The following GGCT variants were observed in gnomAD, a reference collection of about 807,000 sequenced individuals.
GGCT encodes the protein cytochrome c-releasing factor 21.
Under a neutral mutation model 22.1 loss-of-function variants are expected in GGCT, and 20 were observed. The ratio of observed to expected loss-of-function variants is 0.91; its 90% CI spans 0.64 to 1.32. GGCT has a LOEUF of 1.32. GGCT is among the 40% of genes most tolerant of loss of function. The pLI is 0.00. For synonymous variants in GGCT, 72 were observed against 78.4 expected (o/e 0.92, Z 0.43); for missense variants, 209 against 223.5 (o/e 0.94, Z 0.41).
intron 3 of GGCT, 74 bp from the exon 4 acceptor site, chr7:30,497,309 C>A: frequency 9.6e-7 from 1 of 1,036,528 alleles, no homozygotes; most frequent in South Asian, 1.6e-5. Context: ...CATACCACAG[C>A]TTTATTTGCC....
At position 30,500,532 on chromosome 7, in the gene GGCT, C is replaced by G; in HGVS notation, c.287+4G>C. On this transcript the variant is annotated splice_donor_region_variant and intron_variant, in intron 2 of 3. Transcript: ENST00000275428. Reference sequence around the variant, plus strand: ...TGTTTAACTTATAATTAGAAGCCACCTACTCATCCAGAGAATTTAAATTGC... The same window carrying G: ...TGTTTAACTTATAATTAGAAGCCACGTACTCATCCAGAGAATTTAAATTGC... 1 of 1,608,370 alleles carries G rather than the reference C, an allele frequency of 6.2e-7. No homozygotes were observed. Among genetic ancestry groups the G allele is most frequent in the Non-Finnish European group, 8.5e-7 (1 of 1,175,346 alleles).
chr7:30,500,167 G>T (rs576695984), intron 2 of GGCT, among the ~76,000 whole-genome samples: 1 of 152,200 alleles, frequency 6.6e-6, no homozygotes, highest in African/African-American at 2.4e-5. Context: ...TTAAATAATT[G>T]TTCTTTAAAA....
intron 1 of GGCT, among the ~76,000 whole-genome samples, chr7:30,503,433 A>T (rs1170722472): frequency 6.6e-6 from 1 of 152,182 alleles, no homozygotes; most frequent in Non-Finnish European, 1.5e-5. Context: ...AAATCACGGC[A>T]TGGGTACGTG....
chr7:30,502,788 C>T (rs530503968), intron 1 of GGCT, among the ~76,000 whole-genome samples: 1 of 152,310 alleles, frequency 6.6e-6, no homozygotes, highest in South Asian at 2.1e-4. Context: ...GTTCAAGATG[C>T]CATTCATTAT....
chr7:30,497,152 T>A lies in GGCT; in HGVS notation c.507A>T (p.Thr169=). 4 of 1,609,640 alleles carry A rather than the reference T, an allele frequency of 2.5e-6. No individual in the cohort carries two copies. The highest frequency in any genetic ancestry group is 3.4e-6 in the Non-Finnish European group (4 of 1,176,298). The change falls in exon 4 of 4, where the codon ACA becomes ACT. Residue 169 remains threonine (T), a synonymous_variant. Transcript: ENST00000275428. ...CTTCAATTTCTTCTGAGACCTTTCC[T>A]GTATAGTCATTTGGTTCTATTGCTT... ...KLKAIEPNDY[T]GKVSEEIEDI... is the part of the protein sequence containing the mutation.
At chr7:30,501,640 AAAAAC>A (rs1484337031) in intron 1 of GGCT, among the ~76,000 whole-genome samples, 2 of 152,246 alleles carry the variant, frequency 1.3e-5, no homozygotes, top group African/African-American at 2.4e-5. Context: ...AAAAATAAAC[AAAAAC>A]AAAACAAATA....
At chr7:30,504,514 A>C in intron 1 of GGCT, 55 bp downstream of exon 1, 1 of 1,601,564 alleles carries the variant, frequency 6.2e-7, no homozygotes, top group Non-Finnish European at 8.5e-7. Flanking sequence ...CCCCCGAGGA[A>C]GCGCCTTCTG....
At position 30,496,911 on chromosome 7, in the gene GGCT, T is replaced by G. The variant is rs758988463; in HGVS notation, c.*181A>C. ...GCCCTCATACACCCCTTTTAAATTG[T>G]CTAACTCCTATCCCAGTTTCTTTTT... On this transcript the variant is annotated 3_prime_UTR_variant, in exon 4 of 4. Transcript: ENST00000275428. 2.3e-4 allele frequency: 101 copies of G among 440,578 alleles called. No individual in the cohort carries two copies. Among genetic ancestry groups the G allele is most frequent in the Non-Finnish European group, 3.5e-4 (89 of 251,250 alleles). 27.3% of individuals were successfully genotyped at this position (440,578 alleles called of 1,614,324 possible).
rs765582824 is a variant in GGCT, at chr7:30,498,835, C to T, written c.391G>A (p.Glu131Lys). 1.1e-5 allele frequency: 17 copies of T among 1,613,248 alleles called. No homozygotes were observed. Among genetic ancestry groups the T allele is most frequent in the East Asian group, 2.2e-5 (1 of 44,874 alleles). The change falls in exon 3 of 4, where the codon GAA (glutamate) becomes AAA (lysine). Residue 131 changes from glutamate (E) to lysine (K), a missense_variant. Coordinates refer to ENST00000275428, the MANE Select transcript of GGCT (RefSeq NM_024051.4). ...TCRSYLMTNYESAPPSPQYKK... is the reference protein window; with the variant it reads ...TCRSYLMTNYKSAPPSPQYKK... ...TACTGTGGGGATGGGGGAGCACTTT[C>T]GTAATTTGTCATCAGATAACTTCGA...
At chr7:30,497,835 T>C in intron 3 of GGCT, 20 of 1,456,428 alleles carry the variant, frequency 1.4e-5, no homozygotes, top group Non-Finnish European at 1.7e-5. Flanking sequence ...CACATTCTTG[T>C]CTTGTGCTTG....
chr7:30,498,003 AAG>A, intron 3 of GGCT: 1 of 275,992 alleles, frequency 3.6e-6, no homozygotes, highest in East Asian at 4.9e-5. Flanking sequence ...AACATTACAA[AAG>A]CATATATATA....
chr7:30,497,773 C>A, intron 3 of GGCT: 1 of 1,449,732 alleles, frequency 6.9e-7, no homozygotes, highest in Non-Finnish European at 9.2e-7. Context: ...ATTGGGCCTG[C>A]CAACAGAGAG....
At chr7:30,499,672 A>G (rs1236270618) in intron 2 of GGCT, among the ~76,000 whole-genome samples, 1 of 151,932 alleles carries the variant, frequency 6.6e-6, no homozygotes, top group Non-Finnish European at 1.5e-5. Context: ...AGATCACGCC[A>G]TTGCACTCTA....
intron 2 of GGCT, 81 bp downstream of exon 2, chr7:30,500,455 C>CT: frequency 8.7e-7 from 1 of 1,149,516 alleles, no homozygotes; most frequent in African/African-American, 1.5e-5. Flanking sequence ...TTTTGAAAAA[C>CT]TAACACACAG....
At position 30,503,018 on chromosome 7, in the gene GGCT, T is replaced by C. The variant is rs920443037; in HGVS notation, c.141+1551A>G. ...TCATGCCACATTCCCCTTACTAAAC[T>C]CCAGCCACACTGACTGAAAGATCCA... On this transcript the variant is annotated intron_variant, in intron 1 of 3. Coordinates refer to ENST00000275428, the MANE Select transcript of GGCT (RefSeq NM_024051.4). 4.6e-3 allele frequency among the ~76,000 whole-genome samples: 705 copies of C among 152,286 alleles called. 8 individuals are homozygous for C. The highest frequency in any genetic ancestry group is 0.016 in the African/African-American group (673 of 41,548).
chr7:30,502,233 C>T (rs934188354), intron 1 of GGCT, among the ~76,000 whole-genome samples: 2 of 152,114 alleles, frequency 1.3e-5, no homozygotes, highest in Admixed American at 1.3e-4. Flanking sequence ...TATGCATGGG[C>T]CTTTTTTTTG....
In GGCT at chr7:30,504,808, G is replaced by A; in HGVS notation, c.-99C>T. 1.6e-6 allele frequency: 2 copies of A among 1,255,372 alleles called. No individual in the cohort carries two copies. The highest frequency in any genetic ancestry group is 2.3e-6 in the Non-Finnish European group (2 of 870,980). The allele number at this position is 1,255,372 out of a possible 1,614,324, so 77.8% of individuals were successfully genotyped here. A position where few individuals can be genotyped will look rare whatever the true frequency, so the allele number is the denominator to read the frequency against. On this transcript the variant is annotated 5_prime_UTR_variant, in exon 1 of 4. Coordinates refer to ENST00000275428, the MANE Select transcript of GGCT (RefSeq NM_024051.4). ...ACTACCCCGGCGCAGTGACCGCCGCGCGGCAGCCTCAGGGTTAGGGGACTG... is the reference window on the plus strand; with the variant it reads ...ACTACCCCGGCGCAGTGACCGCCGCACGGCAGCCTCAGGGTTAGGGGACTG...
chr7:30,497,954 A>C, intron 3 of GGCT: 1 of 892,558 alleles, frequency 1.1e-6, no homozygotes, highest in Non-Finnish European at 1.6e-6. Flanking sequence ...TATAAAAATG[A>C]ATCTTGGTAT....
intron 3 of GGCT, chr7:30,497,840 T>A: frequency 6.9e-7 from 1 of 1,457,956 alleles, no homozygotes; most frequent in Non-Finnish European, 9.2e-7. Flanking sequence ...TCTTGTCTTG[T>A]GCTTGCAAGG....
Sources: allele counts gnomAD v4.1 joint callset (sites outside exome capture counted in the v4.1 genomes callset), GRCh38; gene constraint gnomAD v4.1.1; transcripts MANE v1.5; gene names NCBI Gene and HGNC (gene_info 2026-07-23, HGNC 2026-07-21).